The following DPYD variants were observed in gnomAD, a reference collection of about 807,000 sequenced individuals.
DPYD encodes the protein dihydropyrimidine dehydrogenase.
DPYD carries 109 observed loss-of-function variants against 116.2 expected under a neutral mutation model. The ratio of observed to expected loss-of-function variants is 0.94; its 90% CI spans 0.80 to 1.10. The LOEUF (loss-of-function observed/expected upper bound fraction) is 1.10, where lower values mean the gene tolerates loss of function less well. DPYD is among the 50% of genes least tolerant of loss of function. The probability of loss-of-function intolerance (pLI) is 0.00; values close to 1 mark genes in which losing one functional copy is unlikely to be tolerated. For missense variants in DPYD, 1,302 were observed against 1,254.5 expected (o/e 1.04, Z -0.57); for synonymous variants, 440 against 432.0 (o/e 1.02, Z -0.23).
At chr1:97,834,378 G>GAA (rs1346623404) in intron 2 of DPYD, among the ~76,000 whole-genome samples, 1 of 140,770 alleles carries the variant, frequency 7.1e-6, no homozygotes, top group Non-Finnish European at 1.6e-5. Flanking sequence ...TCCTTATTTT[G>GAA]AAAAAAAAAA....
At chr1:97,384,662 G>A in intron 14 of DPYD, among the ~76,000 whole-genome samples, 1 of 151,996 alleles carries the variant, frequency 6.6e-6, no homozygotes, top group East Asian at 1.9e-4. Context: ...GGCTGATGAA[G>A]GTATCTGTCT....
intron 20 of DPYD, among the ~76,000 whole-genome samples, chr1:97,146,304 C>A (rs969851787): frequency 6.6e-6 from 1 of 152,178 alleles, no homozygotes; most frequent in East Asian, 1.9e-4. Flanking sequence ...TGACCATATA[C>A]TTTCTCATCT....
intron 3 of DPYD, among the ~76,000 whole-genome samples, chr1:97,741,536 ATAAT>A (rs910039033): frequency 2.6e-5 from 4 of 152,198 alleles, no homozygotes; most frequent in African/African-American, 9.6e-5. Context: ...ACAACATTCT[ATAAT>A]TATTCATTCA....
intron 1 of DPYD, among the ~76,000 whole-genome samples, chr1:97,901,451 T>C (rs1350730974): frequency 1.3e-5 from 2 of 151,862 alleles, no homozygotes; most frequent in African/African-American, 4.8e-5. Context: ...ATTGCTTATA[T>C]AGTGTTACTT....
Position 97,514,350 on chromosome 1 carries a change from T to A in DPYD, c.1740+1376A>T, listed in dbSNP as rs2068642. 6.0e-3 allele frequency: 3,681 copies of A among 608,616 alleles called. 134 individuals carry two copies. The African/African-American group carries it at 0.066, about 11-fold the overall frequency. The allele number at this position is 608,616 out of a possible 1,614,324, so 37.7% of individuals were successfully genotyped here. A position where few individuals can be genotyped will look rare whatever the true frequency, so the allele number is the denominator to read the frequency against. ...CAAATTCAAAGCAGCAAACACCTCT[T>A]TTTTTCAGCTATAATTCTTCACCTG... is the stretch of plus-strand genomic sequence containing the variant. On this transcript the variant is annotated intron_variant, in intron 13 of 22. Coordinates refer to ENST00000370192, the MANE Select transcript of DPYD (RefSeq NM_000110.4).
chr1:97,557,094 C>T (rs1231584362), intron 11 of DPYD, among the ~76,000 whole-genome samples: 1 of 151,890 alleles, frequency 6.6e-6, no homozygotes, highest in African/African-American at 2.4e-5. Context: ...ATTTGCATTT[C>T]TCTGATGGCC....
chr1:97,595,056 T>C lies in DPYD; in HGVS notation c.958+3A>G. ...ATTAAGCATAAAAGACAATATGTTA[T>C]ACCTGCTTTACTGCCTTTGGCTACA... On this transcript the variant is annotated splice_donor_region_variant and intron_variant, in intron 9 of 22. Coordinates refer to ENST00000370192, the MANE Select transcript of DPYD (RefSeq NM_000110.4). 6.2e-7 allele frequency: 1 copy of C among 1,607,564 alleles called. No homozygotes were observed. Among genetic ancestry groups the C allele is most frequent in the Non-Finnish European group, 8.5e-7 (1 of 1,174,222 alleles).
chr1:97,434,394 T>C (rs969552241), intron 14 of DPYD, among the ~76,000 whole-genome samples: 2 of 152,082 alleles, frequency 1.3e-5, no homozygotes, highest in African/African-American at 2.4e-5. Context: ...GGATAATTAG[T>C]TCAGGAAAAG....
At chr1:97,416,628 G>T (rs1411386019) in intron 14 of DPYD, among the ~76,000 whole-genome samples, 2 of 152,150 alleles carry the variant, frequency 1.3e-5, no homozygotes, top group African/African-American at 2.4e-5. Context: ...ATTGCCTGTG[G>T]TAGAAAGCTT....
intron 13 of DPYD, among the ~76,000 whole-genome samples, chr1:97,458,616 G>C (rs1047132502): frequency 6.6e-6 from 1 of 152,254 alleles, no homozygotes; most frequent in Middle Eastern, 3.4e-3. Flanking sequence ...CACGTTGTTA[G>C]GTAGAGTAGA....
chr1:97,219,629 A>G (rs1660653017), intron 19 of DPYD, among the ~76,000 whole-genome samples: 1 of 152,160 alleles, frequency 6.6e-6, no homozygotes, highest in South Asian at 2.1e-4. Flanking sequence ...GTAGCCCTAG[A>G]AGAGAGGAGA....
chr1:97,249,823 A>C (rs1662964205), intron 18 of DPYD, among the ~76,000 whole-genome samples: 1 of 152,226 alleles, frequency 6.6e-6, no homozygotes, highest in African/African-American at 2.4e-5. Flanking sequence ...TACATAAAAA[A>C]GTGTTCCACA....
chr1:97,250,524 G>A (rs1354941050), intron 18 of DPYD, among the ~76,000 whole-genome samples: 2 of 152,076 alleles, frequency 1.3e-5, no homozygotes, highest in African/African-American at 4.8e-5. Context: ...ACACATTTTG[G>A]TCAATCAGTA....
intron 2 of DPYD, among the ~76,000 whole-genome samples, chr1:97,862,105 A>C (rs1366201903): frequency 6.6e-6 from 1 of 151,938 alleles, no homozygotes; most frequent in African/African-American, 2.4e-5. Context: ...ATAAGGTCTT[A>C]AAGATAACCA....
intron 8 of DPYD, among the ~76,000 whole-genome samples, chr1:97,608,147 T>C (rs1481825117): frequency 1.3e-5 from 2 of 151,786 alleles, no homozygotes; most frequent in African/African-American, 4.8e-5. Flanking sequence ...TCACATGAAA[T>C]CCCAGGAATC....
chr1:97,214,549 A>C (rs958329978), intron 19 of DPYD, among the ~76,000 whole-genome samples: 3 of 152,220 alleles, frequency 2.0e-5, no homozygotes, highest in Non-Finnish European at 4.4e-5. Context: ...ATTAAGTGCC[A>C]TACTGGGCCA....
chr1:97,751,460 G>GTGTGTGTGTATATATATATA (rs763260651), intron 3 of DPYD, among the ~76,000 whole-genome samples: 3 of 21,290 alleles, frequency 1.4e-4, no homozygotes, highest in East Asian at 3.5e-3. Context: ...GTGTGTGTGT[G>GTGTGTGTGTATATATATATA]TATATATATA....
At chr1:97,079,182 C>G in intron 22 of DPYD, 36 bp from the exon 23 acceptor site, 1 of 1,609,782 alleles carries the variant, frequency 6.2e-7, no homozygotes, top group Non-Finnish European at 8.5e-7. Context: ...ATGTCACTGA[C>G]CACAAAGGTC....
At chr1:97,413,042 G>A (rs1674096783) in intron 14 of DPYD, among the ~76,000 whole-genome samples, 1 of 152,120 alleles carries the variant, frequency 6.6e-6, no homozygotes, top group South Asian at 2.1e-4. Context: ...CAATGAAAGG[G>A]TTTATCATAT....
Sources: gnomAD v4.1 joint callset for allele counts (sites outside exome capture counted in the v4.1 genomes callset) on GRCh38, gnomAD v4.1.1 for gene constraint, MANE v1.5 for transcripts, NCBI Gene and HGNC (gene_info 2026-07-23, HGNC 2026-07-21) for gene names.